Variants in ACACA observed in about 807,000 individuals in gnomAD.
The protein encoded by ACACA is acetyl-CoA carboxylase 1.
ACACA carries 103 observed loss-of-function variants against 296.1 expected under a neutral mutation model. That is an observed-to-expected ratio of 0.35 (90% CI 0.30 to 0.41). The LOEUF is 0.41. ACACA is among the 10% of genes least tolerant of loss of function. The pLI is 1.00. For synonymous variants in ACACA, 953 were observed against 1,038.6 expected (o/e 0.92, Z 1.58); for missense variants, 1,554 against 2,989.7 (o/e 0.52, Z 11.20).
At chr17:37,364,148 A>G (rs2049519997) in intron 1 of ACACA, among the ~76,000 whole-genome samples, 1 of 151,164 alleles carries the variant, frequency 6.6e-6, no homozygotes, top group Non-Finnish European at 1.5e-5. Context: ...AAATAAAAAA[A>G]TTGCTGGGTA....
intron 29 of ACACA, among the ~76,000 whole-genome samples, chr17:37,217,355 C>G (rs920644358): frequency 6.7e-6 from 1 of 149,278 alleles, no homozygotes; most frequent in Non-Finnish European, 1.5e-5. Flanking sequence ...TACTAAGACA[C>G]TTCTAACGAT....
intron 52 of ACACA, among the ~76,000 whole-genome samples, chr17:37,110,415 A>G (rs1202435443): frequency 6.6e-6 from 1 of 152,262 alleles, no homozygotes; most frequent in African/African-American, 2.4e-5. Context: ...TAGATTTTAG[A>G]AACAACTCTC....
At chr17:37,092,933 T>C (rs950796072) in intron 54 of ACACA, among the ~76,000 whole-genome samples, 12 of 152,138 alleles carry the variant, frequency 7.9e-5, no homozygotes, top group South Asian at 2.1e-4. Flanking sequence ...GATTTTTTTT[T>C]CCAAGGGCTT....
chr17:37,174,009 TATATATA>T (rs1431842454), intron 41 of ACACA, among the ~76,000 whole-genome samples: 9 of 15,048 alleles, frequency 6.0e-4, no homozygotes, highest in East Asian at 2.6e-3. Context: ...TATATATATA[TATATATA>T]TATATTTTTT....
intron 3 of ACACA, among the ~76,000 whole-genome samples, chr17:37,308,899 T>C (rs948221482): frequency 6.6e-6 from 1 of 152,186 alleles, no homozygotes; most frequent in African/African-American, 2.4e-5. Context: ...ATTGCGCTAC[T>C]GCCCTCAAAT....
In ACACA at chr17:37,246,914, A is replaced by C; in HGVS notation, c.2372T>G (p.Met791Arg). ...VFEKENDPSV[M>R]RSPSAGKLIQ... ...TAACTTCCCAGCAGAAGGTGAGCGCATCACCGATGGGTCATTTTCCTTCTC... is the reference window on the plus strand; with the variant it reads ...TAACTTCCCAGCAGAAGGTGAGCGCCTCACCGATGGGTCATTTTCCTTCTC... The change falls in exon 19 of 56, where the codon ATG (methionine) becomes AGG (arginine). Residue 791 changes from methionine to arginine, a missense_variant. Around this residue, in one of 16 missense-constraint regions of ACACA, gnomAD observed 316 missense variants for 540.9 expected, o/e 0.58. Transcript: ENST00000616317. The C allele has an allele frequency of 6.2e-7, 1 of 1,614,122 alleles. No homozygotes were observed. The highest frequency in any genetic ancestry group is 8.5e-7 in the Non-Finnish European group (1 of 1,179,974).
chr17:37,100,711 C>A (rs1177375071), intron 52 of ACACA, among the ~76,000 whole-genome samples: 1 of 151,054 alleles, frequency 6.6e-6, no homozygotes, highest in African/African-American at 2.4e-5. Context: ...ACAGTAGTAT[C>A]AATGTTTACA....
At chr17:37,182,982 A>G (rs774356079) in intron 39 of ACACA, among the ~76,000 whole-genome samples, 3 of 152,076 alleles carry the variant, frequency 2.0e-5, no homozygotes, top group Admixed American at 6.6e-5. Flanking sequence ...ACCCGGGGGG[A>G]AGCAGAATTA....
chr17:37,240,365 GTGT>G (rs2080332619), intron 24 of ACACA, 108 bp downstream of exon 24: 1 of 843,352 alleles, frequency 1.2e-6, no homozygotes, highest in Non-Finnish European at 2.0e-6. Context: ...TTAATGGGAA[GTGT>G]TGTTGACAGG....
intron 1 of ACACA, among the ~76,000 whole-genome samples, chr17:37,371,164 C>T (rs1383469977): frequency 6.6e-6 from 1 of 151,934 alleles, no homozygotes; most frequent in Non-Finnish European, 1.5e-5. Flanking sequence ...ACTGCAACCT[C>T]CACCTCCCGC....
chr17:37,378,997 G>A, intron 1 of ACACA: 3 of 1,026,282 alleles, frequency 2.9e-6, no homozygotes, highest in South Asian at 3.4e-5. Context: ...TGGAGATCGA[G>A]GGAGTTTGAG....
At chr17:37,327,315 T>C (rs1167364126) in intron 3 of ACACA, among the ~76,000 whole-genome samples, 1 of 152,184 alleles carries the variant, frequency 6.6e-6, no homozygotes, top group Non-Finnish European at 1.5e-5. Flanking sequence ...TTGACTCAAT[T>C]AAAATTACCC....
chr17:37,246,977 C>G lies in ACACA; in HGVS notation c.2310-1G>C. 6.2e-7 allele frequency: 1 copy of G among 1,614,002 alleles called. No homozygotes were observed. The highest frequency in any genetic ancestry group is 8.5e-7 in the Non-Finnish European group (1 of 1,180,006). The stretch of plus-strand genomic sequence containing the variant: ...TTTATTGCCAATTGTGATGCGATAT[C>G]TAGGAGACAAGTGGAAGTATGTAAG... On this transcript the variant is annotated splice_acceptor_variant, in intron 18 of 55. Coordinates refer to ENST00000616317, the MANE Select transcript of ACACA (RefSeq NM_198834.3). LOFTEE classifies it high-confidence loss of function.
chr17:37,202,702 TATATATATATACAC>T (rs1234028010), intron 33 of ACACA, among the ~76,000 whole-genome samples: 1,932 of 21,276 alleles, frequency 0.091, 134 homozygotes, highest in African/African-American at 0.25. Flanking sequence ...TATATATATA[TATATATATATACAC>T]ACACACATAT....
At chr17:37,214,509 C>A (rs573092274) in intron 29 of ACACA, among the ~76,000 whole-genome samples, 1 of 152,158 alleles carries the variant, frequency 6.6e-6, no homozygotes. Flanking sequence ...CACAAAACTA[C>A]GGGGATTTAC....
chr17:37,243,626 G>C, intron 21 of ACACA, 67 bp from the exon 22 acceptor site: 1 of 1,537,856 alleles, frequency 6.5e-7, no homozygotes. Flanking sequence ...AAGATATATA[G>C]TTGTCATTCT....
chr17:37,222,034 C>A, intron 28 of ACACA, 192 bp from the exon 29 acceptor site: 3 of 607,546 alleles, frequency 4.9e-6, no homozygotes, highest in Non-Finnish European at 8.7e-6. Context: ...ATAACCATGA[C>A]TACTAATGAA....
At position 37,295,572 on chromosome 17, in the gene ACACA, T is replaced by C. The variant is rs149462165; in HGVS notation, c.339-10602A>G. 3.6e-3 allele frequency among the ~76,000 whole-genome samples: 552 copies of C among 151,802 alleles called. 2 individuals are homozygous for C. Among genetic ancestry groups the C allele is most frequent in the Non-Finnish European group, 5.7e-3 (386 of 67,928 alleles). ...GGGAGGTAAATGTGGGGGGATAACA[T>C]GAGGTCAGGAGTTCGAGACCAGCCT... On this transcript the variant is annotated intron_variant, in intron 3 of 55. Coordinates refer to ENST00000616317, the MANE Select transcript of ACACA (RefSeq NM_198834.3).
rs371655547 is a variant in ACACA at position 37,394,747 on chromosome 17, G to A, written c.38+11515C>T. Among the ~76,000 whole-genome samples, 12 of 150,706 alleles carry A rather than the reference G, an allele frequency of 8.0e-5. No individual in the cohort carries two copies. The East Asian group carries it at 1.6e-3, about 20-fold the overall frequency. On this transcript the variant is annotated intron_variant, in intron 1 of 55. Coordinates refer to ENST00000616317, the MANE Select transcript of ACACA (RefSeq NM_198834.3). The stretch of plus-strand genomic sequence containing the variant: ...AAAAAGAAAAAGAAAAAATTAGCCG[G>A]GTGTGGTGGCAGGCATCTGTAGTCC...
Sources: gnomAD v4.1 joint callset for allele counts (sites outside exome capture counted in the v4.1 genomes callset) on GRCh38, gnomAD v4.1.1 for gene constraint, gnomAD v4.1.1 regional missense constraint, MANE v1.5 for transcripts, NCBI Gene and HGNC (gene_info 2026-07-23, HGNC 2026-07-21) for gene names.